The following LMBR1 variants were observed in gnomAD, a reference collection of about 807,000 sequenced individuals.
LMBR1 encodes limb region 1 protein homolog.
LMBR1 carries 52 observed loss-of-function variants against 73.9 expected under a neutral mutation model. That is an observed-to-expected ratio of 0.70 (90% CI 0.56 to 0.89). LMBR1 has a LOEUF of 0.89. LMBR1 is among the 40% of genes least tolerant of loss of function. LMBR1 has a pLI of 0.00. For synonymous variants in LMBR1, 215 were observed against 209.4 expected, an observed-to-expected ratio of 1.03 and a Z score of -0.23; for missense variants, 539 against 579.8, an observed-to-expected ratio of 0.93 and a Z score of 0.72.
intron 10 of LMBR1, among the ~76,000 whole-genome samples, chr7:156,729,864 A>C (rs187289519): frequency 6.7e-4 from 102 of 152,300 alleles, no homozygotes; most frequent in African/African-American, 1.8e-3. Flanking sequence ...CCTCATGCTA[A>C]GAACAAGAAG....
At chr7:156,720,036 C>T (rs372304612) in intron 15 of LMBR1, among the ~76,000 whole-genome samples, 26 of 151,804 alleles carry the variant, frequency 1.7e-4, no homozygotes, top group East Asian at 5.8e-4. Context: ...ATTCAGGACA[C>T]AGGCATGGGC....
chr7:156,729,244 T>A (rs903248382), intron 10 of LMBR1, among the ~76,000 whole-genome samples: 1 of 152,072 alleles, frequency 6.6e-6, no homozygotes, highest in African/African-American at 2.4e-5. Flanking sequence ...TAAGGAAATA[T>A]ATTGTTGATA....
chr7:156,860,266 G>A (rs745493502), intron 1 of LMBR1, among the ~76,000 whole-genome samples: 12 of 152,214 alleles, frequency 7.9e-5, no homozygotes, highest in Admixed American at 7.2e-4. Flanking sequence ...GCAAGGAGGA[G>A]CAAGTCACAT....
chr7:156,681,647 A>G lies in LMBR1; in HGVS notation c.*2431T>C, dbSNP rs1305790382. ...AAATCGATACTAAAGGAGAGAGAAT[A>G]AAAGGACTGCTTGATGTGACAGTCA... On this transcript the variant is annotated 3_prime_UTR_variant, in exon 17 of 17. Transcript: ENST00000353442. 6.6e-6 allele frequency: 1 copy of G among 152,440 alleles called. No homozygotes were observed. The highest frequency in any genetic ancestry group is 2.4e-5 in the African/African-American group (1 of 41,470). The allele number at this position is 152,440 out of a possible 1,614,324, so 9.4% of individuals were successfully genotyped here. A position where few individuals can be genotyped will look rare whatever the true frequency, so the allele number is the denominator to read the frequency against.
chr7:156,759,488 A>G (rs1177360834), intron 8 of LMBR1, among the ~76,000 whole-genome samples: 1 of 152,222 alleles, frequency 6.6e-6, no homozygotes, highest in Non-Finnish European at 1.5e-5. Flanking sequence ...TTAGCCATAA[A>G]ATAAGAATAC....
At chr7:156,671,324 AAC>A (rs1328083830) in intron 4 of LMBR1, among the ~76,000 whole-genome samples, 1 of 152,180 alleles carries the variant, frequency 6.6e-6, no homozygotes, top group Admixed American at 6.5e-5. Flanking sequence ...TGAAAACGCG[AAC>A]AGTGTGTGTG....
At chr7:156,736,434 A>G (rs1344997920) in intron 9 of LMBR1, 3 of 432,310 alleles carry the variant, frequency 6.9e-6, no homozygotes, top group Non-Finnish European at 1.4e-5. Flanking sequence ...TGATTTTTTT[A>G]AAGGTTTTAT....
chr7:156,800,413 G>A (rs80041268), intron 4 of LMBR1, among the ~76,000 whole-genome samples: 4,824 of 144,574 alleles, frequency 0.033, 123 homozygotes, highest in South Asian at 0.086. Context: ...AAACCTGCCC[G>A]GATGGCAGCA....
In LMBR1 at chr7:156,727,966, T is replaced by C. The variant is rs959198843; in HGVS notation, c.957A>G (p.Leu319=). ...TTGGCATTGCTGTTTCATCAACCAATAGGCAAAGAATATTACAAGCCACCA... is the reference window on the plus strand; with the variant it reads ...TTGGCATTGCTGTTTCATCAACCAACAGGCAAAGAATATTACAAGCCACCA... ...VLLVACNILC[L]LVDETAMPKG... is the part of the protein sequence containing the mutation. Residue 319 remains leucine (L), a synonymous_variant, in exon 12 of 17, where the codon CTA becomes CTG. Coordinates refer to ENST00000353442, the MANE Select transcript of LMBR1 (RefSeq NM_022458.4). 6 of 1,613,462 alleles carry C rather than the reference T, an allele frequency of 3.7e-6. No homozygotes were observed. Among genetic ancestry groups the C allele is most frequent in the East Asian group, 2.2e-5 (1 of 44,834 alleles).
chr7:156,707,906 G>A (rs1036343488), intron 15 of LMBR1, among the ~76,000 whole-genome samples: 5 of 151,892 alleles, frequency 3.3e-5, no homozygotes, highest in African/African-American at 1.2e-4. Flanking sequence ...ATCCCTGTTC[G>A]TTCATGATAT....
Position 156,728,726 on chromosome 7 carries a change from A to C in LMBR1, c.839-6T>G. ...TGAAGCCTTTTTTCGCCTCTCTATT[A>C]AAAGGAAAAACAAAATAAAACAAAG... On this transcript the variant is annotated splice_region_variant and splice_polypyrimidine_tract_variant and intron_variant, in intron 10 of 16. Coordinates refer to ENST00000353442, the MANE Select transcript of LMBR1 (RefSeq NM_022458.4). The C allele has an allele frequency of 6.3e-7, 1 of 1,586,920 alleles. No individual in the cohort carries two copies.
intron 12 of LMBR1, among the ~76,000 whole-genome samples, chr7:156,726,913 G>A (rs1398769302): frequency 6.6e-6 from 1 of 151,048 alleles, no homozygotes; most frequent in Non-Finnish European, 1.5e-5. Context: ...AAATCCCCCC[G>A]GTTTATAATC....
chr7:156,851,455 G>A (rs1331253958), intron 1 of LMBR1, among the ~76,000 whole-genome samples: 1 of 152,108 alleles, frequency 6.6e-6, no homozygotes, highest in African/African-American at 2.4e-5. Flanking sequence ...CATATTTCAA[G>A]TTCATTAATG....
intron 1 of LMBR1, among the ~76,000 whole-genome samples, chr7:156,862,222 G>C (rs151242493): frequency 6.6e-6 from 1 of 152,332 alleles, no homozygotes; most frequent in African/African-American, 2.4e-5. Context: ...ATCTTACATG[G>C]ATGGCAGCAG....
At chr7:156,802,987 T>C (rs1044502026) in intron 4 of LMBR1, among the ~76,000 whole-genome samples, 9 of 152,106 alleles carry the variant, frequency 5.9e-5, no homozygotes. Flanking sequence ...TTACACTTTA[T>C]ACAAAAATTA....
intron 15 of LMBR1, among the ~76,000 whole-genome samples, chr7:156,714,642 T>C (rs560337467): frequency 6.6e-6 from 1 of 152,286 alleles, no homozygotes; most frequent in South Asian, 2.1e-4. Flanking sequence ...ACACTTCCAC[T>C]GTGCATGTGT....
At chr7:156,850,754 T>G (rs1755478164) in intron 1 of LMBR1, among the ~76,000 whole-genome samples, 1 of 152,222 alleles carries the variant, frequency 6.6e-6, no homozygotes, top group Non-Finnish European at 1.5e-5. Flanking sequence ...ATAAAGATGT[T>G]CACTTTTCTA....
chr7:156,886,764 T>C (rs1367973010), intron 1 of LMBR1, among the ~76,000 whole-genome samples: 5 of 152,258 alleles, frequency 3.3e-5, no homozygotes, highest in African/African-American at 1.2e-4. Context: ...GGGGATGCTT[T>C]ACTTAACCCT....
At chr7:156,774,202 G>A (rs937681512) in intron 5 of LMBR1, among the ~76,000 whole-genome samples, 1 of 152,092 alleles carries the variant, frequency 6.6e-6, no homozygotes, top group African/African-American at 2.4e-5. Flanking sequence ...TTATTAAAAA[G>A]TCAAAAAAAC....
Sources: gnomAD v4.1 joint callset for allele counts (sites outside exome capture counted in the v4.1 genomes callset) on GRCh38, gnomAD v4.1.1 for gene constraint, MANE v1.5 for transcripts, NCBI Gene and HGNC (gene_info 2026-07-23, HGNC 2026-07-21) for gene names.